Variants in TTC21B observed in about 807,000 individuals in gnomAD.
TTC21B encodes tetratricopeptide repeat domain 21B, also known as tetratricopeptide repeat protein 21B.
A neutral mutation model predicts 175.1 loss-of-function variants in TTC21B; 127 were observed. The ratio of observed to expected loss-of-function variants is 0.73; its 90% CI spans 0.63 to 0.84. The LOEUF is 0.84. Ranked by LOEUF, TTC21B falls within the 40% of genes least tolerant of loss-of-function variation. The probability of loss-of-function intolerance (pLI) is 0.00; values close to 1 mark genes in which losing one functional copy is unlikely to be tolerated. For synonymous variants in TTC21B, 524 were observed against 524.5 expected, an observed-to-expected ratio of 1.00 and a Z score of 0.01; for missense variants, 1,561 against 1,558.3, an observed-to-expected ratio of 1.00 and a Z score of -0.03.
chr2:165,897,808 T>A (rs763692619), intron 22 of TTC21B, among the ~76,000 whole-genome samples: 1 of 152,010 alleles, frequency 6.6e-6, no homozygotes, highest in Non-Finnish European at 1.5e-5. Context: ...CAGCAGGCAA[T>A]GGGGCAAAAG....
intron 22 of TTC21B, among the ~76,000 whole-genome samples, chr2:165,892,150 T>C (rs949898795): frequency 2.6e-5 from 4 of 152,182 alleles, no homozygotes; most frequent in African/African-American, 9.7e-5. Context: ...TTTTAGATGT[T>C]TGTGTGCTCA....
intron 11 of TTC21B, among the ~76,000 whole-genome samples, chr2:165,925,938 T>G (rs553072436): frequency 6.6e-6 from 1 of 152,328 alleles, no homozygotes; most frequent in African/African-American, 2.4e-5. Flanking sequence ...TAAGAATGAG[T>G]TATTGAGAAC....
At chr2:165,886,732 A>G (rs1364546452) in intron 25 of TTC21B, among the ~76,000 whole-genome samples, 1 of 152,188 alleles carries the variant, frequency 6.6e-6, no homozygotes, top group Non-Finnish European at 1.5e-5. Flanking sequence ...TAAACTTCAC[A>G]GTAGGGATAA....
At chr2:165,879,097 A>G (rs2105279153) in intron 27 of TTC21B, among the ~76,000 whole-genome samples, 1 of 152,296 alleles carries the variant, frequency 6.6e-6, no homozygotes, top group East Asian at 1.9e-4. Context: ...AAATTGAGGA[A>G]TTAATGGAGA....
intron 22 of TTC21B, among the ~76,000 whole-genome samples, chr2:165,896,493 C>A (rs1347338552): frequency 1.3e-5 from 2 of 151,882 alleles, no homozygotes; most frequent in African/African-American, 4.8e-5. Context: ...AAGGGCTACA[C>A]AAAACCCAAA....
chr2:165,936,038 G>A (rs975947246), intron 6 of TTC21B, among the ~76,000 whole-genome samples: 3 of 152,128 alleles, frequency 2.0e-5, no homozygotes, highest in African/African-American at 7.2e-5. Context: ...CAAAGTTAGA[G>A]GTCTGACATT....
intron 27 of TTC21B, among the ~76,000 whole-genome samples, chr2:165,880,152 G>A (rs1684792884): frequency 6.6e-6 from 1 of 152,040 alleles, no homozygotes; most frequent in African/African-American, 2.4e-5. Flanking sequence ...CTGTAGACTA[G>A]CATTACCCAA....
intron 25 of TTC21B, among the ~76,000 whole-genome samples, chr2:165,886,373 T>C (rs937167541): frequency 5.3e-5 from 8 of 152,194 alleles, no homozygotes; most frequent in African/African-American, 1.7e-4. Context: ...TTGTCTTCCA[T>C]AGGCTATGAG....
chr2:165,932,418 A>G (rs75326820), intron 7 of TTC21B, among the ~76,000 whole-genome samples: 2,222 of 152,154 alleles, frequency 0.015, 67 homozygotes, highest in African/African-American at 0.052. Flanking sequence ...CACTAAACAA[A>G]ATGCAAATCT....
chr2:165,895,397 T>G (rs188398407), intron 22 of TTC21B, among the ~76,000 whole-genome samples: 2 of 152,286 alleles, frequency 1.3e-5, no homozygotes, highest in Admixed American at 1.3e-4. Context: ...GAAGACTTCT[T>G]CAAATCTTAG....
At chr2:165,927,659 T>C (rs529337984) in intron 11 of TTC21B, among the ~76,000 whole-genome samples, 73 of 151,842 alleles carry the variant, frequency 4.8e-4, no homozygotes, top group African/African-American at 1.7e-3. Context: ...TCCTGAATAC[T>C]AGATTAATAC....
At chr2:165,947,763 C>G (rs750224969) in intron 3 of TTC21B, 3 of 152,084 alleles carry the variant, frequency 2.0e-5, no homozygotes, top group Non-Finnish European at 2.9e-5. Flanking sequence ...TAGGACTTTC[C>G]TAGGCAGTAT....
intron 1 of TTC21B, 166 bp from the exon 2 acceptor site, chr2:165,949,890 G>A: frequency 1.6e-6 from 1 of 616,614 alleles, no homozygotes; most frequent in Non-Finnish European, 2.8e-6. Context: ...TCAATGCTAA[G>A]GATTGCAGAA....
At chr2:165,925,366 A>G (rs1686590373) in intron 11 of TTC21B, among the ~76,000 whole-genome samples, 1 of 152,144 alleles carries the variant, frequency 6.6e-6, no homozygotes, top group Admixed American at 6.5e-5. Context: ...ACCAACTTTT[A>G]TCCAATGGTC....
chr2:165,949,622 A>G lies in TTC21B; in HGVS notation c.124T>C (p.Tyr42His). The change falls in exon 2 of 29, where the codon TAT (tyrosine) becomes CAT (histidine). Residue 42 changes from tyrosine to histidine, a missense_variant. Transcript: ENST00000243344. ...TCCATTAATGTGCCATAGGCATGAT[A>G]AAACCTGAAGACTGGATCACTTCCA... Reference protein sequence around the residue: ...RYGSDPVFRFYHAYGTLMEGK... With the variant: ...RYGSDPVFRFHHAYGTLMEGK... The G allele has an allele frequency of 6.2e-7, 1 of 1,613,772 alleles. No homozygotes were observed.
intron 12 of TTC21B, among the ~76,000 whole-genome samples, chr2:165,923,748 T>TTG (rs1482131246): frequency 1.4e-5 from 2 of 145,652 alleles, no homozygotes; most frequent in Non-Finnish European, 3.0e-5. Flanking sequence ...AGCTGGTTTT[T>TTG]TTTTTTTTTT....
At position 165,931,724 on chromosome 2, in the gene TTC21B, T is replaced by C; in HGVS notation, c.894+34A>G. 6 of 1,546,894 alleles carry C rather than the reference T, an allele frequency of 3.9e-6. No individual in the cohort carries two copies. In the South Asian group the frequency reaches 6.7e-5, roughly 17 times the overall value. ...CTTATTTTATGTCCTCTACTATAGA[T>C]AACAGAGCTCTGGTACATGGTAGGC... On this transcript the variant is annotated intron_variant, in intron 8 of 28. Coordinates refer to ENST00000243344, the MANE Select transcript of TTC21B (RefSeq NM_024753.5).
intron 8 of TTC21B, among the ~76,000 whole-genome samples, chr2:165,930,732 G>GGT: frequency 0.018 from 2,040 of 110,864 alleles, 77 homozygotes; most frequent in African/African-American, 0.059. Context: ...TGGGTATGGG[G>GGT]GTGTGTGTGT....
chr2:165,916,850 C>T (rs946187884), intron 14 of TTC21B, among the ~76,000 whole-genome samples: 1 of 152,052 alleles, frequency 6.6e-6, no homozygotes, highest in East Asian at 1.9e-4. Context: ...CTAAAGTTTA[C>T]CACCTGGTCA....
Sources: allele counts gnomAD v4.1 joint callset (sites outside exome capture counted in the v4.1 genomes callset), GRCh38; gene constraint gnomAD v4.1.1; transcripts MANE v1.5; gene names NCBI Gene and HGNC (gene_info 2026-07-23, HGNC 2026-07-21).